Variants in STXBP6 observed in about 807,000 individuals in gnomAD.
The protein encoded by STXBP6 is syntaxin binding protein 6, also known as syntaxin-binding protein 6.
Under a neutral mutation model 26.9 loss-of-function variants are expected in STXBP6, and 21 were observed. The observed-to-expected ratio is 0.78, with a 90% CI of 0.55 to 1.12. The LOEUF (loss-of-function observed/expected upper bound fraction) is 1.12, where lower values mean the gene tolerates loss of function less well. STXBP6 is among the 50% of genes most tolerant of loss of function. STXBP6 has a pLI of 0.00. For synonymous variants in STXBP6, 97 were observed against 92.6 expected (o/e 1.05, Z -0.27); for missense variants, 232 against 257.9 (o/e 0.90, Z 0.69).
intron 1 of STXBP6, among the ~76,000 whole-genome samples, chr14:25,039,380 A>T (rs1373541324): frequency 6.6e-6 from 1 of 152,212 alleles, no homozygotes; most frequent in Admixed American, 6.5e-5. Context: ...TATGGAAATG[A>T]GGCATACTCT....
intron 2 of STXBP6, among the ~76,000 whole-genome samples, chr14:24,950,011 T>A (rs1465762359): frequency 2.6e-5 from 4 of 152,234 alleles, no homozygotes; most frequent in Non-Finnish European, 5.9e-5. Flanking sequence ...GAACCCATTC[T>A]GGTTCTGGAG....
chr14:24,932,188 C>G (rs987278645), intron 2 of STXBP6, among the ~76,000 whole-genome samples: 2 of 152,174 alleles, frequency 1.3e-5, no homozygotes, highest in Non-Finnish European at 2.9e-5. Context: ...GCGGGCAGAT[C>G]ACGAGGTCAG....
chr14:24,855,564 A>G (rs2069299371), intron 4 of STXBP6, among the ~76,000 whole-genome samples: 1 of 152,098 alleles, frequency 6.6e-6, no homozygotes, highest in Non-Finnish European at 1.5e-5. Context: ...GAAAAAATAG[A>G]AAAAGGCAAC....
intron 1 of STXBP6, among the ~76,000 whole-genome samples, chr14:25,035,863 A>T (rs2075540756): frequency 6.6e-6 from 1 of 152,232 alleles, no homozygotes; most frequent in Admixed American, 6.5e-5. Context: ...TGAAGAAAGC[A>T]TTCTTCTATG....
chr14:24,911,177 AC>A (rs1463248664), intron 2 of STXBP6, among the ~76,000 whole-genome samples: 1 of 151,800 alleles, frequency 6.6e-6, no homozygotes, highest in Non-Finnish European at 1.5e-5. Flanking sequence ...CAAACAAAAA[AC>A]AAAAAAAAAT....
chr14:25,005,877 T>G (rs1178729002), intron 1 of STXBP6, among the ~76,000 whole-genome samples: 2 of 151,976 alleles, frequency 1.3e-5, no homozygotes, highest in African/African-American at 4.8e-5. Flanking sequence ...GGGAAAGATT[T>G]TGGACAATCG....
At chr14:25,031,022 T>C (rs1327176776) in intron 1 of STXBP6, among the ~76,000 whole-genome samples, 3 of 152,260 alleles carry the variant, frequency 2.0e-5, no homozygotes, top group African/African-American at 4.8e-5. Flanking sequence ...CTAGTGGAAA[T>C]TTGTCCAGAC....
chr14:24,854,971 T>C (rs1160805991), intron 4 of STXBP6, among the ~76,000 whole-genome samples: 2 of 152,070 alleles, frequency 1.3e-5, no homozygotes, highest in East Asian at 1.9e-4. Flanking sequence ...AAGGTTCTTA[T>C]GATGTAAGCA....
intron 2 of STXBP6, among the ~76,000 whole-genome samples, chr14:24,942,594 A>T (rs1566496512): frequency 6.6e-6 from 1 of 152,236 alleles, no homozygotes; most frequent in Non-Finnish European, 1.5e-5. Context: ...ACAGCTGGTT[A>T]TCTTGTCTCC....
chr14:24,899,632 T>C (rs900423219), intron 2 of STXBP6, among the ~76,000 whole-genome samples: 7 of 151,486 alleles, frequency 4.6e-5, no homozygotes, highest in African/African-American at 9.7e-5. Flanking sequence ...AATACAAAAA[T>C]TAGCTGGGTG....
chr14:24,900,051 C>T (rs2071157632), intron 2 of STXBP6, among the ~76,000 whole-genome samples: 1 of 152,194 alleles, frequency 6.6e-6, no homozygotes, highest in Admixed American at 6.5e-5. Context: ...TATGCCTTAA[C>T]AGGTTGTAAT....
intron 2 of STXBP6, among the ~76,000 whole-genome samples, chr14:24,963,247 G>A (rs2140134232): frequency 6.6e-6 from 1 of 152,292 alleles, no homozygotes; most frequent in South Asian, 2.1e-4. Flanking sequence ...TATAACCCAC[G>A]TAATTACTGC....
chr14:24,959,257 A>T (rs534901968), intron 2 of STXBP6, among the ~76,000 whole-genome samples: 1 of 152,222 alleles, frequency 6.6e-6, no homozygotes. Context: ...TGTTTTTAAT[A>T]GTCTTGGTAA....
chr14:24,887,912 A>T (rs944896941), intron 2 of STXBP6, among the ~76,000 whole-genome samples: 6 of 152,178 alleles, frequency 3.9e-5, no homozygotes, highest in African/African-American at 1.4e-4. Flanking sequence ...ATTTTAGGAC[A>T]CACTGCATTT....
intron 1 of STXBP6, among the ~76,000 whole-genome samples, chr14:25,026,251 C>A (rs1400134502): frequency 6.6e-6 from 1 of 152,108 alleles, no homozygotes; most frequent in Non-Finnish European, 1.5e-5. Flanking sequence ...GAGATACTTA[C>A]TTGCATACCT....
At position 24,876,995 on chromosome 14, in the gene STXBP6, TCATAAAA is replaced by T. The variant is rs993169756; in HGVS notation, c.155-19845_155-19839del. 5.3e-5 allele frequency among the ~76,000 whole-genome samples: 8 copies of T among 152,360 alleles called. 2 individuals carry two copies. The highest frequency in any genetic ancestry group is 3.9e-4 in the Admixed American group (6 of 15,302). ...CACTCTTTAAGCTTGGCTTCCCTTC[TCATAAAA>T]CTCTACTTTGAAGAGTTCAATTCAG... On this transcript the variant is annotated intron_variant, in intron 2 of 5. Coordinates refer to ENST00000323944, the MANE Select transcript of STXBP6 (RefSeq NM_001394410.1).
At position 25,049,974 on chromosome 14, in the gene STXBP6, G is replaced by C. The variant is rs1331631467; in HGVS notation, c.-129C>G. On this transcript the variant is annotated 5_prime_UTR_variant, in exon 1 of 6. Transcript: ENST00000323944. This position sits in a 1 kb window ranked among gnomAD's most constrained non-coding sequence, Gnocchi z 5.6. Reference sequence around the variant, plus strand: ...GGGGGCTGCCCCGCGCGGGGCTCCGGGCTCCGGACAAGGCTTAGCCGGCCC... The same window carrying C: ...GGGGGCTGCCCCGCGCGGGGCTCCGCGCTCCGGACAAGGCTTAGCCGGCCC... 1 of 744,080 alleles carries C rather than the reference G, an allele frequency of 1.3e-6. No homozygotes were observed. The highest frequency in any genetic ancestry group is 1.6e-6 in the Non-Finnish European group (1 of 609,792). 46.1% of individuals were successfully genotyped at this position (744,080 alleles called of 1,614,324 possible).
At chr14:24,819,237 A>G in intron 4 of STXBP6, 43 bp from the exon 5 acceptor site, 1 of 1,611,776 alleles carries the variant, frequency 6.2e-7, no homozygotes. Context: ...GGCTCAGCTG[A>G]CCCACAGTGA....
chr14:24,953,977 G>A (rs1157159997), intron 2 of STXBP6, among the ~76,000 whole-genome samples: 1 of 152,204 alleles, frequency 6.6e-6, no homozygotes, highest in East Asian at 1.9e-4. Context: ...GAACTCCCAG[G>A]ATGGGCTGAG....
Sources: gnomAD v4.1 joint callset for allele counts (sites outside exome capture counted in the v4.1 genomes callset) on GRCh38, gnomAD v4.1.1 for gene constraint, Gnocchi (gnomAD v3.1) non-coding constraint, MANE v1.5 for transcripts, NCBI Gene and HGNC (gene_info 2026-07-23, HGNC 2026-07-21) for gene names.